CSMD1: variants seen among roughly 807,000 people sequenced by gnomAD.
CSMD1 encodes the protein CUB and sushi domain-containing protein 1.
CSMD1 carries 213 observed loss-of-function variants against 417.5 expected under a neutral mutation model. That is an observed-to-expected ratio of 0.51 (90% CI 0.46 to 0.57). The LOEUF (loss-of-function observed/expected upper bound fraction) is 0.57, where lower values mean the gene tolerates loss of function less well. Among genes scored for constraint, CSMD1 ranks in the 20% least tolerant of loss-of-function variants. The pLI is 0.00. For synonymous variants in CSMD1, 2,862 were observed against 1,736.8 expected (o/e 1.65, Z -16.11); for missense variants, 6,923 against 4,529.7 (o/e 1.53, Z -15.17).
chr8:3,551,311 C>T (rs1798900556), intron 10 of CSMD1, among the ~76,000 whole-genome samples: 1 of 152,046 alleles, frequency 6.6e-6, no homozygotes, highest in Admixed American at 6.5e-5. Flanking sequence ...AACTCTATAT[C>T]AATATGTGAA....
rs530209780 is a variant in CSMD1 at position 3,087,259 on chromosome 8, G to A, written c.7312C>T (p.Leu2438=). Reference sequence around the variant, plus strand: ...CTGTTTAGAATACCCCCATTCTTCAGGGGGTGGGTCAAACTGCAGTAAGGT... The same window carrying A: ...CTGTTTAGAATACCCCCATTCTTCAAGGGGTGGGTCAAACTGCAGTAAGGT... ...AAPYCSLTHP[L]KNGGILNRTA... is the part of the protein sequence containing the mutation. The change falls in exon 49 of 70, where the codon CTG becomes TTG. Residue 2438 remains leucine (L), a synonymous_variant. Coordinates refer to ENST00000635120, the MANE Select transcript of CSMD1 (RefSeq NM_033225.6). The A allele has an allele frequency of 1.9e-6, 3 of 1,613,938 alleles. No homozygotes were observed. In the East Asian group the frequency reaches 6.7e-5, roughly 36 times the overall value.
intron 3 of CSMD1, among the ~76,000 whole-genome samples, chr8:4,219,693 A>C (rs1021495817): frequency 2.0e-5 from 3 of 152,218 alleles, no homozygotes; most frequent in African/African-American, 7.2e-5. Context: ...ACAAGTCAAG[A>C]GTTTAAATAT....
At chr8:4,066,027 C>A (rs1439165071) in intron 3 of CSMD1, among the ~76,000 whole-genome samples, 1 of 152,138 alleles carries the variant, frequency 6.6e-6, no homozygotes, top group African/African-American at 2.4e-5. Context: ...TGGAGGAAGT[C>A]AGAAGGAGCC....
intron 6 of CSMD1, among the ~76,000 whole-genome samples, chr8:3,732,842 A>G (rs1034433271): frequency 1.3e-5 from 2 of 152,078 alleles, no homozygotes; most frequent in African/African-American, 4.8e-5. Flanking sequence ...GTGATTCAAG[A>G]CTATTTTGAA....
At chr8:3,428,673 T>C (rs768774581) in intron 12 of CSMD1, among the ~76,000 whole-genome samples, 4 of 152,092 alleles carry the variant, frequency 2.6e-5, no homozygotes, top group Non-Finnish European at 5.9e-5. Flanking sequence ...AAAAAAGAAC[T>C]ATCATATGAT....
intron 50 of CSMD1, among the ~76,000 whole-genome samples, chr8:3,036,714 A>G (rs1490788518): frequency 6.6e-6 from 1 of 152,180 alleles, no homozygotes; most frequent in Non-Finnish European, 1.5e-5. Flanking sequence ...CTAGGATACT[A>G]AGACCTTTTA....
intron 2 of CSMD1, among the ~76,000 whole-genome samples, chr8:4,592,906 T>A (rs893551350): frequency 1.3e-5 from 2 of 152,214 alleles, no homozygotes; most frequent in African/African-American, 4.8e-5. Context: ...TAATATTTAT[T>A]TAGAAGTTTC....
At chr8:3,993,547 G>C (rs1398963879) in intron 5 of CSMD1, among the ~76,000 whole-genome samples, 2 of 152,130 alleles carry the variant, frequency 1.3e-5, no homozygotes, top group Non-Finnish European at 2.9e-5. Flanking sequence ...AATTGTGCTG[G>C]TTTAACAGGA....
chr8:4,075,167 C>G (rs905666791), intron 3 of CSMD1, among the ~76,000 whole-genome samples: 2 of 152,116 alleles, frequency 1.3e-5, no homozygotes, highest in Admixed American at 6.5e-5. Flanking sequence ...TTTTGCTAAG[C>G]TGAAAATCCT....
intron 1 of CSMD1, among the ~76,000 whole-genome samples, chr8:4,856,512 A>G (rs1188331766): frequency 7.2e-6 from 1 of 139,768 alleles, no homozygotes; most frequent in African/African-American, 3.0e-5. Context: ...TGCTGTATTC[A>G]GGAAACCCAT....
intron 12 of CSMD1, among the ~76,000 whole-genome samples, chr8:3,457,302 C>G (rs186992669): frequency 2.0e-5 from 3 of 152,296 alleles, no homozygotes; most frequent in Admixed American, 1.3e-4. Context: ...ATCCTACACT[C>G]CCTGACCTTC....
chr8:4,793,026 G>C (rs1049605735), intron 1 of CSMD1, among the ~76,000 whole-genome samples: 2 of 151,194 alleles, frequency 1.3e-5, no homozygotes, highest in African/African-American at 2.4e-5. Flanking sequence ...ACATACATAA[G>C]CCATTAAGCC....
At chr8:3,908,277 A>T (rs953095099) in intron 5 of CSMD1, among the ~76,000 whole-genome samples, 1 of 152,204 alleles carries the variant, frequency 6.6e-6, no homozygotes, top group Non-Finnish European at 1.5e-5. Context: ...TTCATCAAGA[A>T]ATCTTCCCAA....
intron 3 of CSMD1, among the ~76,000 whole-genome samples, chr8:4,301,835 G>T (rs527393170): frequency 2.0e-5 from 3 of 152,034 alleles, no homozygotes; most frequent in African/African-American, 7.3e-5. Flanking sequence ...TTTTCAGAAA[G>T]CATCGGTGAT....
At chr8:2,982,127 G>A (rs900998689) in intron 54 of CSMD1, among the ~76,000 whole-genome samples, 3 of 152,118 alleles carry the variant, frequency 2.0e-5, no homozygotes, top group Non-Finnish European at 1.5e-5. Flanking sequence ...AGGCCAAGGT[G>A]GGCAGATCAT....
intron 2 of CSMD1, among the ~76,000 whole-genome samples, chr8:4,586,322 C>T (rs1373952714): frequency 6.6e-6 from 1 of 152,172 alleles, no homozygotes; most frequent in Non-Finnish European, 1.5e-5. Flanking sequence ...TTCCCATTGG[C>T]AGTGACTAAT....
At chr8:3,865,276 A>C (rs989138967) in intron 5 of CSMD1, among the ~76,000 whole-genome samples, 26 of 152,178 alleles carry the variant, frequency 1.7e-4, no homozygotes, top group African/African-American at 5.6e-4. Flanking sequence ...CTTCTGCCTC[A>C]CATCTCAGAG....
At chr8:4,393,469 T>A (rs1027380808) in intron 3 of CSMD1, among the ~76,000 whole-genome samples, 2 of 152,202 alleles carry the variant, frequency 1.3e-5, no homozygotes, top group Non-Finnish European at 2.9e-5. Context: ...TGCATGATTA[T>A]GTTGAGATGG....
At chr8:3,003,720 C>G (rs984331566) in intron 52 of CSMD1, among the ~76,000 whole-genome samples, 2 of 152,134 alleles carry the variant, frequency 1.3e-5, no homozygotes, top group Non-Finnish European at 2.9e-5. Context: ...GCGGACCTAG[C>G]AGGCTGGGAA....
Sources: gnomAD v4.1 joint callset for allele counts (sites outside exome capture counted in the v4.1 genomes callset) on GRCh38, gnomAD v4.1.1 for gene constraint, MANE v1.5 for transcripts, NCBI Gene and HGNC (gene_info 2026-07-23, HGNC 2026-07-21) for gene names.